SLC36A2: variants seen among roughly 807,000 people sequenced by gnomAD.
SLC36A2 encodes the protein solute carrier family 36 member 2, also known as proton-coupled amino acid transporter 2.
SLC36A2 carries 39 observed loss-of-function variants against 42.7 expected under a neutral mutation model. The observed-to-expected ratio is 0.91, with a 90% CI of 0.71 to 1.19. The LOEUF is 1.19. Ranked by LOEUF, SLC36A2 falls within the 50% of genes most tolerant of loss-of-function variation. The probability of loss-of-function intolerance (pLI) is 0.00; values close to 1 mark genes in which losing one functional copy is unlikely to be tolerated. For missense variants in SLC36A2, 590 were observed against 613.7 expected (o/e 0.96, Z 0.41); for synonymous variants, 237 against 240.8 (o/e 0.98, Z 0.15).
Position 151,322,247 on chromosome 5 carries a change from G to C in SLC36A2, c.1011-32C>G, listed in dbSNP as rs780603380. 3 of 1,611,940 alleles carry C rather than the reference G, an allele frequency of 1.9e-6. No homozygotes were observed. In the African/African-American group the frequency reaches 4.0e-5, roughly 22 times the overall value. On this transcript the variant is annotated intron_variant, in intron 8 of 9. Transcript: ENST00000335244. ...GACAAACCACAGAGCTGCTCTCCAC[G>C]GCCACTGTGTTCTGACACTGGCCTC...
At chr5:151,339,803 G>A (rs1165110398) in intron 4 of SLC36A2, among the ~76,000 whole-genome samples, 1 of 152,102 alleles carries the variant, frequency 6.6e-6, no homozygotes, top group Non-Finnish European at 1.5e-5. Flanking sequence ...ATTTTTTTCT[G>A]CCATGTGCCA....
At chr5:151,337,545 A>G (rs574865297) in intron 5 of SLC36A2, among the ~76,000 whole-genome samples, 4 of 152,260 alleles carry the variant, frequency 2.6e-5, no homozygotes, top group South Asian at 2.1e-4. Flanking sequence ...GCAGGTAACA[A>G]TAAATGCAGA....
chr5:151,317,308 C>T (rs903330252), intron 9 of SLC36A2, among the ~76,000 whole-genome samples: 16 of 151,726 alleles, frequency 1.1e-4, no homozygotes, highest in Non-Finnish European at 1.9e-4. Context: ...AAAAATCAGC[C>T]GGGTGTGGTA....
At chr5:151,342,782 A>T in intron 4 of SLC36A2, 106 bp downstream of exon 4, 2 of 904,508 alleles carry the variant, frequency 2.2e-6, no homozygotes, top group Non-Finnish European at 3.6e-6. Context: ...AACATCTAAC[A>T]TAGAAGTGCC....
chr5:151,318,582 TTA>T (rs914064585), intron 9 of SLC36A2, among the ~76,000 whole-genome samples: 67 of 143,480 alleles, frequency 4.7e-4, no homozygotes, highest in Non-Finnish European at 7.3e-4. Flanking sequence ...AATAAATATT[TTA>T]TATATATAAA....
chr5:151,334,650 C>T (rs556372432), intron 6 of SLC36A2, among the ~76,000 whole-genome samples: 14 of 152,002 alleles, frequency 9.2e-5, no homozygotes, highest in Non-Finnish European at 1.6e-4. Context: ...GAGATTGTAC[C>T]GCTGCACTCC....
chr5:151,343,459 C>T (rs888746168), intron 3 of SLC36A2, 51 bp downstream of exon 3: 1 of 1,550,518 alleles, frequency 6.4e-7, no homozygotes, highest in Non-Finnish European at 8.9e-7. Context: ...CTGGGCTATC[C>T]CTGAGAACCA....
intron 7 of SLC36A2, among the ~76,000 whole-genome samples, chr5:151,329,464 G>C (rs1755937099): frequency 6.6e-6 from 1 of 152,192 alleles, no homozygotes; most frequent in Non-Finnish European, 1.5e-5. Flanking sequence ...AAAGACAACA[G>C]ATGCCAACCT....
At chr5:151,335,998 G>C (rs1469102294) in intron 5 of SLC36A2, among the ~76,000 whole-genome samples, 1 of 140,836 alleles carries the variant, frequency 7.1e-6, no homozygotes, top group Non-Finnish European at 1.5e-5. Flanking sequence ...GTAAGGCCCT[G>C]TATCCACAAA....
intron 7 of SLC36A2, among the ~76,000 whole-genome samples, chr5:151,327,025 C>T (rs1755872973): frequency 6.6e-6 from 1 of 151,982 alleles, no homozygotes; most frequent in South Asian, 2.1e-4. Context: ...ATGTTGCTCA[C>T]ACTGGTCTTG....
chr5:151,346,000 T>A (rs1437900019), intron 1 of SLC36A2, among the ~76,000 whole-genome samples: 1 of 152,204 alleles, frequency 6.6e-6, no homozygotes, highest in Non-Finnish European at 1.5e-5. Context: ...TAAGTGGGAA[T>A]TCGAGTCTGG....
In SLC36A2 at chr5:151,347,338, A is replaced by G; in HGVS notation, c.123T>C (p.Ser41=). The stretch of plus-strand genomic sequence containing the variant: ...TCTTCAAGCCTGCTGACTCTGAAGG[A>G]CTTTCATCCAAGAATGTAGAGTCCT... ...ENKDSTFLDE[S]PSESAGLKKT... The change falls in exon 1 of 10, where the codon AGT becomes AGC. Residue 41 remains serine, a synonymous_variant. Coordinates refer to ENST00000335244, the MANE Select transcript of SLC36A2 (RefSeq NM_181776.3). 6.2e-7 allele frequency: 1 copy of G among 1,614,226 alleles called. No individual in the cohort carries two copies. Among genetic ancestry groups the G allele is most frequent in the Non-Finnish European group, 8.5e-7 (1 of 1,180,036 alleles).
At chr5:151,318,591 TA>T (rs1349815012) in intron 9 of SLC36A2, among the ~76,000 whole-genome samples, 1 of 146,126 alleles carries the variant, frequency 6.8e-6, no homozygotes, top group African/African-American at 2.5e-5. Flanking sequence ...TTTATATATA[TA>T]AAAATATAAT....
rs766452498 is a variant in SLC36A2, at chr5:151,335,531, T to C, written c.542A>G (p.Asn181Ser). The C allele has an allele frequency of 1.2e-6, 2 of 1,613,846 alleles. No individual in the cohort carries two copies. The highest frequency in any genetic ancestry group is 2.2e-5 in the South Asian group (2 of 91,078). ...GGAATAGCAGTTGTTGGTTGTGCTATTAACAGCTTCCACTACCTGAGGAAG... is the reference window on the plus strand; with the variant it reads ...GGAATAGCAGTTGTTGGTTGTGCTACTAACAGCTTCCACTACCTGAGGAAG... ...DNLKQVVEAVNSTTNNCYSNE... is the reference protein window; with the variant it reads ...DNLKQVVEAVSSTTNNCYSNE... Residue 181 changes from asparagine to serine, a missense_variant, in exon 6 of 10, where the codon AAT (asparagine) becomes AGT (serine). Asn to Ser is a conservative substitution (Grantham distance 46). Coordinates refer to ENST00000335244, the MANE Select transcript of SLC36A2 (RefSeq NM_181776.3).
chr5:151,339,116 T>G lies in SLC36A2; in HGVS notation c.469A>C (p.Thr157Pro). Reference sequence around the variant, plus strand: ...TACACACAGCAGAAGCCAAGTTGGGTGATAATAAGGAAGAAGCTCACGATA... The same window carrying G: ...TACACACAGCAGAAGCCAAGTTGGGGGATAATAAGGAAGAAGCTCACGATA... ...RHIVSFFLII[T>P]QLGFCCVYIV... Residue 157 changes from threonine to proline, a missense_variant, in exon 5 of 10, where the codon ACC (threonine) becomes CCC (proline). Thr to Pro is a conservative substitution (Grantham distance 38). Coordinates refer to ENST00000335244, the MANE Select transcript of SLC36A2 (RefSeq NM_181776.3). 1 of 1,609,302 alleles carries G rather than the reference T, an allele frequency of 6.2e-7. No homozygotes were observed. The highest frequency in any genetic ancestry group is 8.5e-7 in the Non-Finnish European group (1 of 1,176,910).
chr5:151,320,338 T>C (rs1360080010), intron 9 of SLC36A2, among the ~76,000 whole-genome samples: 4 of 152,052 alleles, frequency 2.6e-5, no homozygotes, highest in African/African-American at 9.7e-5. Context: ...ATTCAAAAAC[T>C]CGTTACATGT....
chr5:151,333,719 G>A (rs1310411771), intron 6 of SLC36A2, among the ~76,000 whole-genome samples: 17 of 152,016 alleles, frequency 1.1e-4, no homozygotes, highest in Admixed American at 5.9e-4. Flanking sequence ...AAAATTAGCC[G>A]GGCGTGGTGG....
chr5:151,321,980 T>C (rs1261152485), intron 9 of SLC36A2, 66 bp downstream of exon 9: 3 of 1,601,732 alleles, frequency 1.9e-6, no homozygotes, highest in Admixed American at 1.7e-5. Flanking sequence ...ATCCGGCCCA[T>C]CTGGCTGATT....
In SLC36A2 at chr5:151,316,511, TGGGTGGATCAC is replaced by T; in HGVS notation, c.*295_*305del. 3.2e-6 allele frequency: 1 copy of T among 316,750 alleles called. No individual in the cohort carries two copies. Among genetic ancestry groups the T allele is most frequent in the Non-Finnish European group, 6.0e-6 (1 of 167,874 alleles). The allele number at this position is 316,750 out of a possible 1,614,324, so 19.6% of individuals were successfully genotyped here. On this transcript the variant is annotated 3_prime_UTR_variant, in exon 10 of 10. Transcript: ENST00000335244. ...ATCCCAGCATTTTGGGAGGCCGGGG[TGGGTGGATCAC>T]CTGAGGTCGGGAGTTCAAGACCAGC...
Sources: gnomAD v4.1 joint callset for allele counts (sites outside exome capture counted in the v4.1 genomes callset) on GRCh38, gnomAD v4.1.1 for gene constraint, MANE v1.5 for transcripts, NCBI Gene and HGNC (gene_info 2026-07-23, HGNC 2026-07-21) for gene names.